CFAP221: variants seen among roughly 807,000 people sequenced by gnomAD.
CFAP221 encodes cilia and flagella associated protein 221.
A neutral mutation model predicts 113.1 loss-of-function variants in CFAP221; 97 were observed. The observed-to-expected ratio is 0.86, with a 90% CI of 0.73 to 1.02. The LOEUF (loss-of-function observed/expected upper bound fraction) is 1.02. Ranked by LOEUF, CFAP221 falls within the 50% of genes least tolerant of loss-of-function variation. The probability of loss-of-function intolerance (pLI) is 0.00; values close to 1 mark genes in which losing one functional copy is unlikely to be tolerated. For missense variants in CFAP221, 1,025 were observed against 1,013.4 expected (o/e 1.01, Z -0.16); for synonymous variants, 331 against 354.4 (o/e 0.93, Z 0.74).
At chr2:119,627,826 T>C (rs1686446104) in intron 16 of CFAP221, 40 bp downstream of exon 16, 5 of 1,610,210 alleles carry the variant, frequency 3.1e-6, no homozygotes, top group Non-Finnish European at 8.5e-7. Context: ...GTGGACATGA[T>C]CATGATCGTG....
intron 7 of CFAP221, chr2:119,589,850 G>A (rs947250257): frequency 4.6e-5 from 7 of 152,260 alleles, no homozygotes; most frequent in Non-Finnish European, 8.8e-5. Flanking sequence ...TGACCTTCCT[G>A]TACTGCTGAC....
At chr2:119,650,225 A>G (rs572420781) in intron 22 of CFAP221, among the ~76,000 whole-genome samples, 1 of 152,400 alleles carries the variant, frequency 6.6e-6, no homozygotes, top group South Asian at 2.1e-4. Flanking sequence ...GTAATCAATT[A>G]GTGGAACCCT....
In CFAP221 at chr2:119,587,099, CT is replaced by C. The variant is rs1558937213; in HGVS notation, c.528-14del. 1 of 1,460,006 alleles carries C rather than the reference CT, an allele frequency of 6.8e-7. No individual in the cohort carries two copies. Among genetic ancestry groups the C allele is most frequent in the Non-Finnish European group, 9.1e-7 (1 of 1,101,500 alleles). 90.4% of individuals were successfully genotyped at this position (1,460,006 alleles called of 1,614,324 possible). ...TAAAGAAAAATAATATTTTTATTTT[CT>C]TTTTTGTTTGTTTTGCAGCAAAACT... On this transcript the variant is annotated intron_variant, in intron 6 of 23. Coordinates refer to ENST00000413369, the MANE Select transcript of CFAP221 (RefSeq NM_001271049.2).
At chr2:119,553,473 A>G (rs561591629) in intron 3 of CFAP221, among the ~76,000 whole-genome samples, 1 of 152,322 alleles carries the variant, frequency 6.6e-6, no homozygotes, top group African/African-American at 2.4e-5. Context: ...GTTATGATGC[A>G]TTTGAGGAAG....
chr2:119,571,340 C>T (rs1682039599), intron 6 of CFAP221, among the ~76,000 whole-genome samples: 1 of 151,724 alleles, frequency 6.6e-6, no homozygotes, highest in Non-Finnish European at 1.5e-5. Context: ...GGGTTTCGCC[C>T]TGTTGGTCAG....
At chr2:119,589,323 G>A (rs965126727) in intron 7 of CFAP221, among the ~76,000 whole-genome samples, 4 of 152,260 alleles carry the variant, frequency 2.6e-5, no homozygotes, top group African/African-American at 9.6e-5. Flanking sequence ...GAGAGTGAGT[G>A]CAGCTCAGGC....
At chr2:119,655,998 A>G (rs1423214155) in intron 23 of CFAP221, 1 of 234,446 alleles carries the variant, frequency 4.3e-6, no homozygotes, top group African/African-American at 2.3e-5. Flanking sequence ...ACCAGCCAGC[A>G]TTGACTGAGC....
chr2:119,630,459 G>A (rs1686687795), intron 17 of CFAP221, 111 bp from the exon 18 acceptor site: 3 of 772,358 alleles, frequency 3.9e-6, no homozygotes, highest in Non-Finnish European at 6.4e-6. Context: ...CTACAACATG[G>A]TGCTTGTCTT....
intron 14 of CFAP221, among the ~76,000 whole-genome samples, chr2:119,621,184 C>T (rs978213476): frequency 6.8e-6 from 1 of 148,098 alleles, no homozygotes; most frequent in Non-Finnish European, 1.5e-5. Flanking sequence ...GAGATTGTGC[C>T]ATCGCACTCC....
chr2:119,577,506 T>C (rs1180040473), intron 6 of CFAP221, among the ~76,000 whole-genome samples: 1 of 152,176 alleles, frequency 6.6e-6, no homozygotes, highest in African/African-American at 2.4e-5. Flanking sequence ...GGAGCTTTTC[T>C]GTAATATTAG....
intron 16 of CFAP221, 37 bp downstream of exon 16, chr2:119,627,823 T>C (rs1031468121): frequency 6.2e-7 from 1 of 1,610,480 alleles, no homozygotes. Context: ...GGAGTGGACA[T>C]GATCATGATC....
chr2:119,598,456 T>C (rs1243274716), intron 7 of CFAP221, among the ~76,000 whole-genome samples: 2 of 152,234 alleles, frequency 1.3e-5, no homozygotes, highest in Non-Finnish European at 2.9e-5. Flanking sequence ...CTTCAGTTGA[T>C]TTCTGAGTTT....
intron 21 of CFAP221, 108 bp from the exon 22 acceptor site, chr2:119,646,850 G>C: frequency 2.1e-6 from 2 of 952,180 alleles, no homozygotes; most frequent in Non-Finnish European, 3.1e-6. Flanking sequence ...GGACAGAGTA[G>C]TAGAGGCCTC....
Position 119,601,309 on chromosome 2 carries a change from T to A in CFAP221, c.723T>A (p.Ile241=), listed in dbSNP as rs1303991633. Reference sequence around the variant, plus strand: ...CACAAATAAAAATGCAGTTATGGATTTCGCAGTTCAACTCTCAACCATACG... The same window carrying A: ...CACAAATAAAAATGCAGTTATGGATATCGCAGTTCAACTCTCAACCATACG... ...GTAQIKMQLW[I]SQFNSQPYEC... Residue 241 remains isoleucine (I), a synonymous_variant, in exon 8 of 24, where the codon ATT becomes ATA. Transcript: ENST00000413369. 2.0e-6 allele frequency: 3 copies of A among 1,535,872 alleles called. No individual in the cohort carries two copies. The highest frequency in any genetic ancestry group is 2.6e-6 in the Non-Finnish European group (3 of 1,146,746).
At chr2:119,659,009 G>GA (rs70949304), downstream of CFAP221, among the ~76,000 whole-genome samples, 2 of 143,794 alleles carry the variant, frequency 1.4e-5, no homozygotes, top group African/African-American at 5.1e-5. Flanking sequence ...AAAAGAAAAA[G>GA]AAAAAAAAAA....
intron 15 of CFAP221, chr2:119,625,915 T>C: frequency 1.9e-6 from 1 of 526,718 alleles, no homozygotes; most frequent in Non-Finnish European, 3.4e-6. Flanking sequence ...CTGAATATGG[T>C]ATTTTCTCAA....
intron 7 of CFAP221, among the ~76,000 whole-genome samples, chr2:119,593,606 G>A (rs896324563): frequency 6.6e-5 from 10 of 152,170 alleles, no homozygotes; most frequent in South Asian, 2.1e-4. Flanking sequence ...TTGGGAGGCC[G>A]AGGAGGGCGG....
chr2:119,580,394 C>A (rs377342118), intron 6 of CFAP221: 12 of 152,162 alleles, frequency 7.9e-5, no homozygotes, highest in African/African-American at 2.9e-4. Context: ...CAGGCCTATA[C>A]CCTATTGGGG....
At chr2:119,564,934 C>T (rs1574011226) in intron 6 of CFAP221, among the ~76,000 whole-genome samples, 1 of 152,192 alleles carries the variant, frequency 6.6e-6, no homozygotes, top group African/African-American at 2.4e-5. Flanking sequence ...GGTCACAGCA[C>T]AGATTGGGTT....
Sources: gnomAD v4.1 joint callset for allele counts (sites outside exome capture counted in the v4.1 genomes callset) on GRCh38, gnomAD v4.1.1 for gene constraint, MANE v1.5 for transcripts, NCBI Gene and HGNC (gene_info 2026-07-23, HGNC 2026-07-21) for gene names.